KDM4C: variants seen among roughly 807,000 people sequenced by gnomAD.
KDM4C encodes the protein lysine-specific demethylase 4C.
KDM4C carries 81 observed loss-of-function variants against 129.3 expected under a neutral mutation model. That is an observed-to-expected ratio of 0.63 (90% CI 0.52 to 0.75). The LOEUF is 0.75. Ranked by LOEUF, KDM4C falls within the 30% of genes least tolerant of loss-of-function variation. The probability of loss-of-function intolerance (pLI) is 0.00; values close to 1 mark genes in which losing one functional copy is unlikely to be tolerated. For missense variants in KDM4C, 1,457 were observed against 1,304.0 expected, an observed-to-expected ratio of 1.12 and a Z score of -1.81; for synonymous variants, 573 against 456.1, an observed-to-expected ratio of 1.26 and a Z score of -3.26.
intron 8 of KDM4C, among the ~76,000 whole-genome samples, chr9:6,894,377 A>C (rs760011914): frequency 1.3e-5 from 2 of 152,212 alleles, no homozygotes; most frequent in Non-Finnish European, 2.9e-5. Context: ...ACTACTTCAC[A>C]TTGTACATCC....
intron 4 of KDM4C, among the ~76,000 whole-genome samples, chr9:6,831,830 A>C (rs761201520): frequency 6.6e-6 from 1 of 152,182 alleles, no homozygotes; most frequent in African/African-American, 2.4e-5. Flanking sequence ...TTCGTTGGCC[A>C]GAAAGAACCC....
intron 21 of KDM4C, among the ~76,000 whole-genome samples, chr9:7,172,111 TG>T (rs1259469794): frequency 6.6e-6 from 1 of 152,204 alleles, no homozygotes; most frequent in Non-Finnish European, 1.5e-5. Flanking sequence ...CAAATCTAAT[TG>T]GAAAACTCAT....
At chr9:6,874,332 A>G (rs1179039772) in intron 5 of KDM4C, among the ~76,000 whole-genome samples, 3 of 152,216 alleles carry the variant, frequency 2.0e-5, no homozygotes, top group African/African-American at 7.2e-5. Context: ...AAACACTTGG[A>G]TGTTATCAGA....
intron 18 of KDM4C, among the ~76,000 whole-genome samples, chr9:7,106,051 G>C (rs1327251639): frequency 6.6e-6 from 1 of 152,090 alleles, no homozygotes; most frequent in Non-Finnish European, 1.5e-5. Flanking sequence ...TTTTCTAGGT[G>C]GAAGCACTGT....
At chr9:6,809,344 A>G (rs562566681) in intron 3 of KDM4C, among the ~76,000 whole-genome samples, 3 of 152,340 alleles carry the variant, frequency 2.0e-5, no homozygotes, top group Admixed American at 6.5e-5. Context: ...TTGCAGAGGC[A>G]ATTAAACCTG....
intron 4 of KDM4C, among the ~76,000 whole-genome samples, chr9:6,823,230 G>A (rs549021224): frequency 8.5e-5 from 13 of 152,172 alleles, no homozygotes; most frequent in East Asian, 7.7e-4. Flanking sequence ...ATTCTCCATC[G>A]TGCTGGCTTT....
At chr9:6,747,539 C>CCCAA (rs1817923464) in intron 1 of KDM4C, among the ~76,000 whole-genome samples, 1 of 98,036 alleles carries the variant, frequency 1.0e-5, no homozygotes, top group African/African-American at 3.6e-5. Flanking sequence ...CAGGGCGATT[C>CCCAA]AAAAAAAAAA....
intron 8 of KDM4C, among the ~76,000 whole-genome samples, chr9:6,966,238 A>G (rs1399937020): frequency 6.6e-6 from 1 of 152,076 alleles, no homozygotes; most frequent in African/African-American, 2.4e-5. Context: ...GCTGGAGTGC[A>G]GTGGCGGGAT....
chr9:6,927,087 T>A (rs1822714026), intron 8 of KDM4C, among the ~76,000 whole-genome samples: 1 of 121,092 alleles, frequency 8.3e-6, no homozygotes, highest in Non-Finnish European at 1.8e-5. Flanking sequence ...TCAAAAAAAA[T>A]TTTCTATCTA....
chr9:6,721,535 C>G (rs566085180), intron 1 of KDM4C, among the ~76,000 whole-genome samples: 2 of 150,596 alleles, frequency 1.3e-5, no homozygotes, highest in African/African-American at 2.4e-5. Flanking sequence ...CTACCCGTCT[C>G]GGCCTCCCAA....
chr9:6,843,588 A>G (rs953333549), intron 4 of KDM4C, among the ~76,000 whole-genome samples: 4 of 152,034 alleles, frequency 2.6e-5, no homozygotes, highest in Admixed American at 1.3e-4. Context: ...GCAGCACTGA[A>G]CCCTGGGCGT....
Position 6,762,308 on chromosome 9 carries a change from C to A in KDM4C, c.-18+4105C>A, listed in dbSNP as rs192539320. On this transcript the variant is annotated intron_variant, in intron 1 of 21. Transcript: ENST00000381309. ...GTTCCCCTCCCTGTGTCCATGTGTT[C>A]TCATTGTTCCTTCTTTTCTTTTTCA... Among the ~76,000 whole-genome samples the A allele has an allele frequency of 2.0e-5, 3 of 148,230 alleles. No homozygotes were observed. In the East Asian group the frequency reaches 6.1e-4, roughly 30 times the overall value.
intron 19 of KDM4C, among the ~76,000 whole-genome samples, chr9:7,129,528 C>T (rs1447893702): frequency 6.6e-6 from 1 of 152,168 alleles, no homozygotes; most frequent in Non-Finnish European, 1.5e-5. Context: ...TAGAATTAGT[C>T]ATCCCTTCAA....
chr9:6,995,819 C>T (rs904873983), intron 12 of KDM4C, among the ~76,000 whole-genome samples: 21 of 152,196 alleles, frequency 1.4e-4, no homozygotes, highest in Admixed American at 1.4e-3. Context: ...CTACAGGCGC[C>T]TGCCACCACG....
At chr9:6,837,762 T>C (rs181800789) in intron 4 of KDM4C, among the ~76,000 whole-genome samples, 2 of 152,238 alleles carry the variant, frequency 1.3e-5, no homozygotes, top group Non-Finnish European at 2.9e-5. Context: ...TTTGCTCTAG[T>C]TGTGGCTATT....
intron 15 of KDM4C, among the ~76,000 whole-genome samples, chr9:7,042,072 C>G (rs778049152): frequency 6.6e-6 from 1 of 152,048 alleles, no homozygotes; most frequent in African/African-American, 2.4e-5. Context: ...TCTAGAACCA[C>G]AGTTAATCTT....
chr9:7,160,670 C>G (rs1217168595), intron 19 of KDM4C, among the ~76,000 whole-genome samples: 1 of 152,180 alleles, frequency 6.6e-6, no homozygotes, highest in East Asian at 1.9e-4. Context: ...GGCAGAACAG[C>G]AAATATTGCT....
chr9:7,007,962 G>A (rs766071212), intron 12 of KDM4C, among the ~76,000 whole-genome samples: 6 of 151,994 alleles, frequency 3.9e-5, no homozygotes, highest in Non-Finnish European at 8.8e-5. Context: ...CAGAAACATC[G>A]ATTTAACAAC....
chr9:6,795,314 G>GTATA (rs977034341), intron 2 of KDM4C, among the ~76,000 whole-genome samples: 21 of 151,936 alleles, frequency 1.4e-4, no homozygotes, highest in African/African-American at 4.8e-4. Context: ...TAATTAGGTT[G>GTATA]TATATATATA....
Sources: gnomAD v4.1 joint callset for allele counts (sites outside exome capture counted in the v4.1 genomes callset) on GRCh38, gnomAD v4.1.1 for gene constraint, MANE v1.5 for transcripts, NCBI Gene and HGNC (gene_info 2026-07-23, HGNC 2026-07-21) for gene names.